The following FOXK2 variants were observed in gnomAD, a reference collection of about 807,000 sequenced individuals.
FOXK2 encodes the protein forkhead box K2, also known as forkhead box protein K2.
Under a neutral mutation model 53.3 loss-of-function variants are expected in FOXK2, and 24 were observed. The observed-to-expected ratio is 0.45, with a 90% confidence interval of 0.33 to 0.63. The LOEUF (loss-of-function observed/expected upper bound fraction) is 0.63. Ranked by LOEUF, FOXK2 falls within the 30% of genes least tolerant of loss-of-function variation. The pLI is 0.03. For missense variants in FOXK2, 952 were observed against 910.5 expected, an observed-to-expected ratio of 1.05 and a Z score of -0.59; for synonymous variants, 505 against 407.1, an observed-to-expected ratio of 1.24 and a Z score of -2.89.
chr17:82,575,938 C>T (rs891468178), intron 4 of FOXK2, among the ~76,000 whole-genome samples: 4 of 148,002 alleles, frequency 2.7e-5, no homozygotes, highest in South Asian at 2.2e-4. Context: ...GTGGCGGCGG[C>T]GGGTTCATCC....
chr17:82,578,261 G>A (rs1216918181), intron 4 of FOXK2: 2 of 152,350 alleles, frequency 1.3e-5, no homozygotes, highest in Admixed American at 1.3e-4. Flanking sequence ...GTCTGCTTAG[G>A]AAGGCTGCAG....
chr17:82,567,018 G>A (rs771925890), intron 2 of FOXK2, among the ~76,000 whole-genome samples: 32 of 152,208 alleles, frequency 2.1e-4, no homozygotes, highest in Non-Finnish European at 3.7e-4. Flanking sequence ...GAATGGGTGA[G>A]TGAGTATACC....
chr17:82,539,026 G>A (rs1169205823), intron 1 of FOXK2, among the ~76,000 whole-genome samples: 1 of 152,212 alleles, frequency 6.6e-6, no homozygotes, highest in Non-Finnish European at 1.5e-5. Flanking sequence ...TTCTTTTTGA[G>A]GTAGAAAATG....
intron 7 of FOXK2, 66 bp downstream of exon 7, chr17:82,586,266 AG>A (rs1567985034): frequency 2.7e-6 from 1 of 375,858 alleles, no homozygotes; most frequent in Non-Finnish European, 4.5e-6. Flanking sequence ...GGGGGGGGAA[AG>A]GAGGAGAGGG....
Position 82,520,073 on chromosome 17 carries a change from A to G in FOXK2, c.185A>G (p.Gln62Arg). The G allele has an allele frequency of 1.9e-6, 3 of 1,543,056 alleles. No homozygotes were observed. Among genetic ancestry groups the G allele is most frequent in the African/African-American group, 1.4e-5 (1 of 69,634 alleles). Residue 62 changes from glutamine to arginine, a missense_variant, in exon 1 of 9, where the codon CAG becomes CGG. Around this residue, in one of 5 missense-constraint regions of FOXK2, gnomAD observed 163 missense variants for 165.5 expected, o/e 0.98. Coordinates refer to ENST00000335255, the MANE Select transcript of FOXK2 (RefSeq NM_004514.4). ...RSVTIGRNSS[Q>R]GSVDVSMGHS... is the part of the protein sequence containing the mutation. The stretch of plus-strand genomic sequence containing the variant: ...GTGACCATCGGCCGCAACTCGTCGC[A>G]GGGCTCGGTGGACGTGAGCATGGGC...
intron 1 of FOXK2, among the ~76,000 whole-genome samples, chr17:82,526,624 A>AT (rs1380592999): frequency 2.6e-5 from 4 of 151,958 alleles, no homozygotes; most frequent in Admixed American, 6.6e-5. Context: ...AGGTCAGGAG[A>AT]TTGAGACCAT....
chr17:82,576,522 T>C, intron 4 of FOXK2: 1 of 611,348 alleles, frequency 1.6e-6, no homozygotes, highest in South Asian at 1.9e-5. Flanking sequence ...AGAGTCAGTC[T>C]TTTTCCAAGA....
chr17:82,539,258 T>G (rs543619385), intron 1 of FOXK2, among the ~76,000 whole-genome samples: 2 of 144,366 alleles, frequency 1.4e-5, no homozygotes, highest in Non-Finnish European at 3.0e-5. Context: ...AGACCCCTAA[T>G]CTCAGCACTG....
At chr17:82,558,807 C>T (rs1472473235) in intron 1 of FOXK2, among the ~76,000 whole-genome samples, 2 of 152,108 alleles carry the variant, frequency 1.3e-5, no homozygotes, top group South Asian at 2.1e-4. Context: ...AGTGCAGTGG[C>T]GTGATCTCGG....
At chr17:82,585,330 G>C (rs75037322) in intron 6 of FOXK2, 2 of 126,094 alleles carry the variant, frequency 1.6e-5, no homozygotes, top group Non-Finnish European at 3.4e-5. Flanking sequence ...TTTTTTTTTT[G>C]TTCGTTTGTC....
intron 2 of FOXK2, among the ~76,000 whole-genome samples, chr17:82,564,698 G>A (rs894742224): frequency 5.3e-5 from 8 of 150,294 alleles, no homozygotes; most frequent in Non-Finnish European, 1.2e-4. Context: ...AGAGTAGAGA[G>A]CCCAGAAATA....
chr17:82,553,361 G>T (rs774792600), intron 1 of FOXK2, among the ~76,000 whole-genome samples: 3 of 152,244 alleles, frequency 2.0e-5, no homozygotes, highest in Non-Finnish European at 4.4e-5. Context: ...CCATCCTGGA[G>T]GCCACAGCCC....
At chr17:82,530,543 C>T (rs1200623872) in intron 1 of FOXK2, among the ~76,000 whole-genome samples, 1 of 141,182 alleles carries the variant, frequency 7.1e-6, no homozygotes, top group Non-Finnish European at 1.5e-5. Context: ...CAGAGTCTCG[C>T]TCTGTCACCC....
In FOXK2 at chr17:82,586,205, G is replaced by A; in HGVS notation, c.1576+5G>A. 3 of 1,517,890 alleles carry A rather than the reference G, an allele frequency of 2.0e-6. No homozygotes were observed. Among genetic ancestry groups the A allele is most frequent in the East Asian group, 5.1e-5 (2 of 38,906 alleles). The allele number at this position is 1,517,890 out of a possible 1,614,324, so 94.0% of individuals were successfully genotyped here. Reference sequence around the variant, plus strand: ...GAGACCACAGGGAAGTCAAAGGTAGGCGGAGGGGAAAGGAGGAGAGGGGAG... The same window carrying A: ...GAGACCACAGGGAAGTCAAAGGTAGACGGAGGGGAAAGGAGGAGAGGGGAG... On this transcript the variant is annotated splice_donor_5th_base_variant and intron_variant, in intron 7 of 8. Transcript: ENST00000335255.
chr17:82,591,456 C>T (rs555931917), intron 8 of FOXK2, among the ~76,000 whole-genome samples: 3 of 152,222 alleles, frequency 2.0e-5, no homozygotes, highest in East Asian at 1.9e-4. Context: ...ATCATGCTGC[C>T]GCCCCATGGA....
In FOXK2 at chr17:82,566,518, C is replaced by T. The variant is rs149974007; in HGVS notation, c.615-1536C>T. On this transcript the variant is annotated intron_variant, in intron 2 of 8. Coordinates refer to ENST00000335255, the MANE Select transcript of FOXK2 (RefSeq NM_004514.4). ...CACAAGTCAGTCCTGCCGCCCAGTG[C>T]TTATTAAGCACTGCATGAAAAGGGC... 9.0e-3 allele frequency among the ~76,000 whole-genome samples: 1,365 copies of T among 152,272 alleles called. 10 individuals are homozygous for T. The highest frequency in any genetic ancestry group is 0.019 in the Admixed American group (284 of 15,278).
At chr17:82,555,761 G>A (rs1423150821) in intron 1 of FOXK2, among the ~76,000 whole-genome samples, 10 of 150,830 alleles carry the variant, frequency 6.6e-5, no homozygotes, top group African/African-American at 2.2e-4. Flanking sequence ...GGGGGCGGGC[G>A]CCTGTAGTCC....
chr17:82,532,917 A>C lies in FOXK2; in HGVS notation c.419+12610A>C, dbSNP rs193155666. Among the ~76,000 whole-genome samples the C allele has an allele frequency of 4.6e-5, 7 of 152,232 alleles. No homozygotes were observed. The East Asian group carries it at 1.4e-3, about 29-fold the overall frequency. On this transcript the variant is annotated intron_variant, in intron 1 of 8. Transcript: ENST00000335255. ...TTGATAAGCTTTTTTCTGTTTGTAA[A>C]ATTATTATTTTTTTCTTTTTAAACT...
intron 4 of FOXK2, among the ~76,000 whole-genome samples, chr17:82,574,642 G>T (rs1426393032): frequency 6.6e-6 from 1 of 152,104 alleles, no homozygotes; most frequent in Non-Finnish European, 1.5e-5. Flanking sequence ...ATTTCTTTCT[G>T]TCCTCAGCTG....
Sources: allele counts gnomAD v4.1 joint callset (sites outside exome capture counted in the v4.1 genomes callset), GRCh38; gene constraint gnomAD v4.1.1; regional missense constraint gnomAD v4.1.1; transcripts MANE v1.5; gene names NCBI Gene and HGNC (gene_info 2026-07-23, HGNC 2026-07-21).